Variants in TANC2 observed in about 807,000 individuals in gnomAD.
The protein encoded by TANC2 is protein TANC2.
TANC2 carries 26 observed loss-of-function variants against 210.5 expected under a neutral mutation model. The ratio of observed to expected loss-of-function variants is 0.12; its 90% CI spans 0.09 to 0.17. TANC2 has a LOEUF of 0.17. TANC2 is among the 10% of genes least tolerant of loss of function. The probability of loss-of-function intolerance (pLI) is 1.00; values close to 1 mark genes in which losing one functional copy is unlikely to be tolerated. For missense variants in TANC2, 2,129 were observed against 2,608.9 expected (o/e 0.82, Z 4.01); for synonymous variants, 931 against 967.1 (o/e 0.96, Z 0.69).
intron 2 of TANC2, among the ~76,000 whole-genome samples, chr17:63,045,521 T>C (rs2035343536): frequency 6.6e-6 from 1 of 152,212 alleles, no homozygotes; most frequent in African/African-American, 2.4e-5. Context: ...TGAAATAGTT[T>C]TGAAGTTTTG....
chr17:63,170,221 T>C (rs533538966), intron 5 of TANC2, among the ~76,000 whole-genome samples: 8 of 151,240 alleles, frequency 5.3e-5, no homozygotes, highest in Non-Finnish European at 1.0e-4. Context: ...AGTCAGGAGA[T>C]TGAGACCATC....
intron 5 of TANC2, among the ~76,000 whole-genome samples, chr17:63,165,981 C>G (rs1298749766): frequency 6.6e-6 from 1 of 152,144 alleles, no homozygotes; most frequent in African/African-American, 2.4e-5. Flanking sequence ...TTGAGCTGGT[C>G]AAATATTGTA....
chr17:63,161,589 C>T (rs971335317), intron 5 of TANC2, among the ~76,000 whole-genome samples: 16 of 150,926 alleles, frequency 1.1e-4, no homozygotes, highest in Non-Finnish European at 1.9e-4. Context: ...TCCTAATTCT[C>T]GGGCATCATT....
In TANC2 at chr17:63,420,273, G is replaced by A; in HGVS notation, c.4543G>A (p.Ala1515Thr). 3 of 1,613,782 alleles carry A rather than the reference G, an allele frequency of 1.9e-6. No homozygotes were observed. Among genetic ancestry groups the A allele is most frequent in the Non-Finnish European group, 2.5e-6 (3 of 1,179,830 alleles). Reference sequence around the variant, plus strand: ...TGTTTCCATTGGCCTCCAGACAGAGGCCCGGCCCAGCCAGGGGCTCCCGGT... The same window carrying A: ...TGTTTCCATTGGCCTCCAGACAGAGACCCGGCCCAGCCAGGGGCTCCCGGT... The change falls in exon 28 of 28, where the codon GCC (alanine) becomes ACC (threonine). Residue 1515 changes from alanine to threonine, a missense_variant. Around this residue, in one of 5 missense-constraint regions of TANC2, gnomAD observed 584 missense variants for 627.3 expected, o/e 0.93. Coordinates refer to ENST00000689528, the Ensembl canonical transcript of TANC2. This position sits in a 1 kb window ranked among gnomAD's most constrained non-coding sequence, Gnocchi z 4.2.
intron 2 of TANC2, among the ~76,000 whole-genome samples, chr17:63,066,125 G>C (rs1218302878): frequency 1.3e-5 from 2 of 152,144 alleles, no homozygotes; most frequent in Non-Finnish European, 2.9e-5. Context: ...GGGTCAGCTG[G>C]AGCCTTGGCC....
chr17:63,412,827 C>T lies in TANC2; in HGVS notation c.3928+118C>T. The T allele has an allele frequency of 2.4e-6, 3 of 1,260,764 alleles. No individual in the cohort carries two copies. Among genetic ancestry groups the T allele is most frequent in the South Asian group, 1.5e-5 (1 of 68,628 alleles). 78.1% of individuals were successfully genotyped at this position (1,260,764 alleles called of 1,614,324 possible). ...ACCTCTAATCTTTTAATTTACTTCA[C>T]CTTAAAAGAAGATTTTTTTTAATGA... On this transcript the variant is annotated intron_variant, in intron 24 of 27. Transcript: ENST00000689528. This position sits in a 1 kb window ranked among gnomAD's most constrained non-coding sequence, Gnocchi z 4.2.
chr17:63,248,993 C>T (rs762091863), intron 8 of TANC2, among the ~76,000 whole-genome samples: 5 of 151,974 alleles, frequency 3.3e-5, no homozygotes, highest in African/African-American at 7.3e-5. Context: ...TTGACTAATA[C>T]GTTGGTCAAA....
rs11395061 is a variant in TANC2 at position 63,262,629 on chromosome 17, CT to C, written c.1034-5106del. 4.6e-3 allele frequency among the ~76,000 whole-genome samples: 662 copies of C among 145,298 alleles called. 1 individual carries two copies. Among genetic ancestry groups the C allele is most frequent in the Non-Finnish European group, 5.4e-3 (355 of 66,048 alleles). On this transcript the variant is annotated intron_variant, in intron 8 of 27. Transcript: ENST00000689528. Reference sequence around the variant, plus strand: ...ATGGGTCTGAATCCCTAGTAGTCCTCTTTTTTTTTTTTTGGTAGCTACATAG... The same window carrying C: ...ATGGGTCTGAATCCCTAGTAGTCCTCTTTTTTTTTTTTGGTAGCTACATAG...
At chr17:63,190,196 C>A (rs2041136714) in intron 5 of TANC2, among the ~76,000 whole-genome samples, 1 of 151,886 alleles carries the variant, frequency 6.6e-6, no homozygotes, top group Admixed American at 6.6e-5. Context: ...AAAAATTATC[C>A]AGGCATGGCA....
At chr17:62,992,545 A>G (rs1324587104) in intron 1 of TANC2, among the ~76,000 whole-genome samples, 2 of 152,240 alleles carry the variant, frequency 1.3e-5, no homozygotes, top group Non-Finnish European at 1.5e-5. Flanking sequence ...GAAAAAGTGT[A>G]GAGTCATTTC....
chr17:63,329,560 G>T (rs970108881), intron 11 of TANC2, among the ~76,000 whole-genome samples: 6 of 152,162 alleles, frequency 3.9e-5, no homozygotes. Context: ...CTGAGAGCAT[G>T]TGTTTGCTTC....
intron 17 of TANC2, among the ~76,000 whole-genome samples, chr17:63,392,368 C>G (rs760299931): frequency 1.3e-5 from 2 of 152,210 alleles, no homozygotes; most frequent in Non-Finnish European, 2.9e-5. Flanking sequence ...CCTCCTCTTT[C>G]TGGATTTTCA....
intron 10 of TANC2, among the ~76,000 whole-genome samples, chr17:63,317,444 A>G (rs1014915892): frequency 3.3e-5 from 5 of 151,844 alleles, no homozygotes; most frequent in African/African-American, 1.2e-4. Context: ...CACCACCATT[A>G]TCCACACCCC....
chr17:63,248,428 A>C (rs567482847), intron 8 of TANC2, among the ~76,000 whole-genome samples: 3 of 152,290 alleles, frequency 2.0e-5, no homozygotes, highest in African/African-American at 7.2e-5. Context: ...TTCAGATCCA[A>C]CTTTTAAACT....
At chr17:63,262,917 A>AT (rs1049568300) in intron 8 of TANC2, among the ~76,000 whole-genome samples, 21 of 152,108 alleles carry the variant, frequency 1.4e-4, no homozygotes, top group Admixed American at 2.0e-4. Context: ...TGAGATAAAG[A>AT]TTTTTTTTAA....
chr17:63,067,755 C>G (rs1036421198), intron 2 of TANC2, among the ~76,000 whole-genome samples: 2 of 151,894 alleles, frequency 1.3e-5, no homozygotes, highest in Non-Finnish European at 2.9e-5. Context: ...AGAAATTATC[C>G]AAATCTAAAC....
chr17:63,237,537 T>A (rs8066404), intron 7 of TANC2, among the ~76,000 whole-genome samples: 123 of 152,264 alleles, frequency 8.1e-4, no homozygotes, highest in African/African-American at 2.8e-3. Context: ...TTTCTTTACC[T>A]AAACCAATGT....
intron 3 of TANC2, among the ~76,000 whole-genome samples, chr17:63,074,614 A>G (rs530344466): frequency 2.0e-5 from 3 of 152,066 alleles, no homozygotes; most frequent in Non-Finnish European, 4.4e-5. Flanking sequence ...TATAGTACTT[A>G]CCACCTTCCT....
At chr17:63,247,337 C>T (rs1457511062) in intron 8 of TANC2, among the ~76,000 whole-genome samples, 1 of 151,434 alleles carries the variant, frequency 6.6e-6, no homozygotes, top group East Asian at 1.9e-4. Flanking sequence ...TCCTCTTTAT[C>T]TTTTTAATAG....
Sources: gnomAD v4.1 joint callset for allele counts (sites outside exome capture counted in the v4.1 genomes callset) on GRCh38, gnomAD v4.1.1 for gene constraint, gnomAD v4.1.1 regional missense constraint, Gnocchi (gnomAD v3.1) non-coding constraint, MANE v1.5 for transcripts, NCBI Gene and HGNC (gene_info 2026-07-23, HGNC 2026-07-21) for gene names.